The following FLNB variants were observed in gnomAD, a reference collection of about 807,000 sequenced individuals.
The protein encoded by FLNB is filamin-B.
In FLNB, 111 loss-of-function variants were observed where a neutral mutation model predicts 250.6. The observed-to-expected ratio is 0.44, with a 90% confidence interval of 0.38 to 0.52. FLNB has a LOEUF of 0.52. Ranked by LOEUF, FLNB falls within the 20% of genes least tolerant of loss-of-function variation. The probability of loss-of-function intolerance (pLI) is 0.00; values close to 1 mark genes in which losing one functional copy is unlikely to be tolerated. For missense variants in FLNB, 2,869 were observed against 3,447.8 expected, an observed-to-expected ratio of 0.83 and a Z score of 4.20; for synonymous variants, 1,302 against 1,372.1, an observed-to-expected ratio of 0.95 and a Z score of 1.13.
At chr3:58,029,506 CTTT>C (rs548364805) in intron 1 of FLNB, among the ~76,000 whole-genome samples, 25 of 136,386 alleles carry the variant, frequency 1.8e-4, no homozygotes, top group African/African-American at 4.3e-4. Context: ...AATGAGAATT[CTTT>C]TTTTTTTTTT....
At chr3:58,020,284 G>T (rs1324401198) in intron 1 of FLNB, among the ~76,000 whole-genome samples, 1 of 152,160 alleles carries the variant, frequency 6.6e-6, no homozygotes, top group Non-Finnish European at 1.5e-5. Flanking sequence ...TTCTTTCCAG[G>T]CCTAGCACCC....
chr3:58,167,833 C>T (rs2097373422), intron 43 of FLNB, among the ~76,000 whole-genome samples: 1 of 152,260 alleles, frequency 6.6e-6, no homozygotes, highest in African/African-American at 2.4e-5. Context: ...TGCACAGGAC[C>T]TGGAGCCGGA....
rs1440355704 is a variant in FLNB, at chr3:58,143,628, C to A, written c.5425+15C>A. 5.6e-6 allele frequency: 9 copies of A among 1,613,188 alleles called. No homozygotes were observed. The highest frequency in any genetic ancestry group is 7.6e-6 in the Non-Finnish European group (9 of 1,180,002). Reference sequence around the variant, plus strand: ...CCACATCCCTGGTAAGCTGAGTCAGCAGGCCCAGCAGGGCTCCACCATTCA... The same window carrying A: ...CCACATCCCTGGTAAGCTGAGTCAGAAGGCCCAGCAGGGCTCCACCATTCA... On this transcript the variant is annotated intron_variant, in intron 32 of 45. Coordinates refer to ENST00000295956, the MANE Select transcript of FLNB (RefSeq NM_001457.4).
At chr3:58,118,309 A>G (rs150972418) in intron 18 of FLNB, among the ~76,000 whole-genome samples, 214 of 152,338 alleles carry the variant, frequency 1.4e-3, no homozygotes, top group African/African-American at 5.0e-3. Context: ...TCCCTGTTGC[A>G]GCCTGGGGGC....
At chr3:58,024,070 G>C (rs2097118946) in intron 1 of FLNB, among the ~76,000 whole-genome samples, 1 of 152,126 alleles carries the variant, frequency 6.6e-6, no homozygotes, top group Non-Finnish European at 1.5e-5. Flanking sequence ...GGTCTTCATG[G>C]TATTGTTTTT....
intron 38 of FLNB, among the ~76,000 whole-genome samples, chr3:58,152,489 G>A (rs1211901452): frequency 2.0e-5 from 3 of 152,210 alleles, no homozygotes; most frequent in East Asian, 1.9e-4. Context: ...AACGGAGGGA[G>A]CCAGCTGTCT....
At chr3:58,153,116 C>T (rs114181441) in intron 38 of FLNB, among the ~76,000 whole-genome samples, 99 of 152,286 alleles carry the variant, frequency 6.5e-4, no homozygotes, top group African/African-American at 2.2e-3. Flanking sequence ...GAAAGGAGCC[C>T]GTCTGTGCAT....
chr3:58,143,527 A>C lies in FLNB; in HGVS notation c.5339A>C (p.Lys1780Thr). The C allele has an allele frequency of 5.6e-6, 9 of 1,614,174 alleles. No individual in the cohort carries two copies. Among genetic ancestry groups the C allele is most frequent in the Non-Finnish European group, 7.6e-6 (9 of 1,180,010 alleles). Reference sequence around the variant, plus strand: ...GCCACACCTGAGATTGTGGACAACAAGGACGGCACGGTCACTGTTAGATAT... The same window carrying C: ...GCCACACCTGAGATTGTGGACAACACGGACGGCACGGTCACTGTTAGATAT... ...KTATPEIVDN[K>T]DGTVTVRYAP... is the part of the protein sequence containing the mutation. The change falls in exon 32 of 46, where the codon AAG (lysine) becomes ACG (threonine). Residue 1780 changes from lysine to threonine, a missense_variant. This residue lies in a region of FLNB where 1,084 missense variants were observed against 1,315.5 expected (regional missense o/e 0.82). Coordinates refer to ENST00000295956, the MANE Select transcript of FLNB (RefSeq NM_001457.4).
chr3:58,152,415 G>A (rs898785417), intron 38 of FLNB, among the ~76,000 whole-genome samples: 1 of 152,222 alleles, frequency 6.6e-6, no homozygotes, highest in Non-Finnish European at 1.5e-5. Context: ...TGGCCAGATT[G>A]TGGTGAGGGC....
chr3:58,025,174 G>A (rs915734971), intron 1 of FLNB, among the ~76,000 whole-genome samples: 3 of 123,164 alleles, frequency 2.4e-5, no homozygotes, highest in Non-Finnish European at 4.7e-5. Flanking sequence ...CTGTGGCAAA[G>A]GCTGGAGTGT....
intron 32 of FLNB, among the ~76,000 whole-genome samples, chr3:58,144,031 A>C (rs2097331731): frequency 6.6e-6 from 1 of 152,190 alleles, no homozygotes; most frequent in South Asian, 2.1e-4. Flanking sequence ...AGCCCTCTAC[A>C]AGGGAAGCCA....
chr3:58,092,842 C>T (rs2097230485), intron 4 of FLNB, among the ~76,000 whole-genome samples: 1 of 152,194 alleles, frequency 6.6e-6, no homozygotes, highest in Admixed American at 6.5e-5. Context: ...CAGTATTTCG[C>T]TTCCGGTCAC....
chr3:58,116,804 T>C (rs546769662), intron 18 of FLNB, among the ~76,000 whole-genome samples: 1 of 152,242 alleles, frequency 6.6e-6, no homozygotes, highest in East Asian at 1.9e-4. Context: ...GCAGAGCAGT[T>C]TGAGAAGCTG....
intron 1 of FLNB, among the ~76,000 whole-genome samples, chr3:58,030,200 T>C (rs915768338): frequency 6.6e-6 from 1 of 152,108 alleles, no homozygotes; most frequent in Non-Finnish European, 1.5e-5. Flanking sequence ...ACATTGTGTA[T>C]GGGGTGAATC....
intron 22 of FLNB, 129 bp downstream of exon 22, chr3:58,124,634 G>A: frequency 9.9e-7 from 1 of 1,011,822 alleles, no homozygotes; most frequent in Non-Finnish European, 1.5e-6. Context: ...CAGAGTGACA[G>A]AGTGGAAGTC....
chr3:58,031,431 A>T (rs1330776125), intron 1 of FLNB, among the ~76,000 whole-genome samples: 1 of 146,068 alleles, frequency 6.8e-6, no homozygotes, highest in Non-Finnish European at 1.5e-5. Context: ...TTTAGCAGAG[A>T]CGGGGTTTCA....
intron 1 of FLNB, among the ~76,000 whole-genome samples, chr3:58,038,866 C>T (rs2097141947): frequency 6.6e-6 from 1 of 152,090 alleles, no homozygotes; most frequent in Admixed American, 6.6e-5. Flanking sequence ...AGAGATAGTT[C>T]TCTGTAGATG....
intron 45 of FLNB, 84 bp from the exon 46 acceptor site, chr3:58,170,491 C>A (rs1055889062): frequency 2.2e-6 from 3 of 1,389,284 alleles, no homozygotes; most frequent in Non-Finnish European, 3.0e-6. Flanking sequence ...CGTGGAAGCA[C>A]CTTACCTTTG....
chr3:58,031,647 G>T (rs185873701), intron 1 of FLNB, among the ~76,000 whole-genome samples: 1 of 146,684 alleles, frequency 6.8e-6, no homozygotes, highest in African/African-American at 2.6e-5. Context: ...CACCTCCCAG[G>T]CTCAAGCAAT....
Sources: allele counts gnomAD v4.1 joint callset (sites outside exome capture counted in the v4.1 genomes callset), GRCh38; gene constraint gnomAD v4.1.1; regional missense constraint gnomAD v4.1.1; transcripts MANE v1.5; gene names NCBI Gene and HGNC (gene_info 2026-07-23, HGNC 2026-07-21).